Variants in RBFOX1 observed in about 807,000 individuals in gnomAD.
RBFOX1 encodes RNA binding fox-1 homolog 1, also known as RNA binding protein fox-1 homolog 1.
Under a neutral mutation model 57.7 loss-of-function variants are expected in RBFOX1, and 8 were observed. The ratio of observed to expected loss-of-function variants is 0.14; its 90% CI spans 0.08 to 0.25. The LOEUF (loss-of-function observed/expected upper bound fraction) is 0.25, where lower values mean the gene tolerates loss of function less well. Among genes scored for constraint, RBFOX1 ranks in the 10% least tolerant of loss-of-function variants. The probability of loss-of-function intolerance (pLI) is 1.00; values close to 1 mark genes in which losing one functional copy is unlikely to be tolerated. For missense variants in RBFOX1, 611 were observed against 548.5 expected (o/e 1.11, Z -1.14); for synonymous variants, 326 against 222.4 (o/e 1.47, Z -4.15).
chr16:7,546,153 C>A (rs1376945414), intron 5 of RBFOX1, among the ~76,000 whole-genome samples: 2 of 151,440 alleles, frequency 1.3e-5, no homozygotes, highest in East Asian at 3.9e-4. Flanking sequence ...ATGGTGAAAC[C>A]CTGTCTCTAC....
intron 2 of RBFOX1, among the ~76,000 whole-genome samples, chr16:6,534,182 A>G (rs2096703783): frequency 1.3e-5 from 2 of 152,156 alleles, no homozygotes; most frequent in African/African-American, 4.8e-5. Flanking sequence ...ATGCATAAGT[A>G]AGTTGTATAG....
At chr16:6,960,280 AGAT>A (rs1193674043) in intron 3 of RBFOX1, among the ~76,000 whole-genome samples, 129 of 152,284 alleles carry the variant, frequency 8.5e-4, no homozygotes, top group African/African-American at 3.1e-3. Flanking sequence ...TTCAGGCCTC[AGAT>A]CTTATAGATG....
Position 7,304,297 on chromosome 16 carries a change from G to GA in RBFOX1, c.28-213839dup, listed in dbSNP as rs112779069. 4,644 of 703,042 alleles carry GA rather than the reference G, an allele frequency of 6.6e-3. 1 individual carries two copies. Among genetic ancestry groups the GA allele is most frequent in the Non-Finnish European group, 7.2e-3 (4,132 of 575,712 alleles). 43.6% of individuals were successfully genotyped at this position (703,042 alleles called of 1,614,324 possible). On this transcript the variant is annotated intron_variant, in intron 4 of 15. Transcript: ENST00000550418. ...TTAGATAACCAGCAAAATTAAAAAA[G>GA]AAAAAAAAAAATTGTAGCGCCCAGG...
chr16:6,128,547 G>A (rs543173023), intron 1 of RBFOX1, among the ~76,000 whole-genome samples: 2 of 152,338 alleles, frequency 1.3e-5, no homozygotes, highest in East Asian at 3.9e-4. Flanking sequence ...GGTAGTTGGT[G>A]CCAAGCACTG....
chr16:7,165,235 T>A (rs752134449), intron 4 of RBFOX1, among the ~76,000 whole-genome samples: 6 of 151,794 alleles, frequency 4.0e-5, no homozygotes, highest in Admixed American at 6.6e-5. Flanking sequence ...CATGCAGTCG[T>A]GAGGTTGTGC....
intron 3 of RBFOX1, among the ~76,000 whole-genome samples, chr16:5,690,765 G>C (rs74004494): frequency 6.6e-6 from 1 of 152,144 alleles, no homozygotes; most frequent in Non-Finnish European, 1.5e-5. Flanking sequence ...CTAAGAAGCT[G>C]TGTTCTCCTG....
chr16:7,668,176 C>T (rs976434523), intron 13 of RBFOX1, among the ~76,000 whole-genome samples: 12 of 152,176 alleles, frequency 7.9e-5, no homozygotes, highest in African/African-American at 2.7e-4. Flanking sequence ...TCCCCTCCCC[C>T]GTCCTTTGTT....
intron 3 of RBFOX1, among the ~76,000 whole-genome samples, chr16:5,752,377 A>G (rs781335347): frequency 2.6e-5 from 4 of 152,214 alleles, no homozygotes; most frequent in Non-Finnish European, 5.9e-5. Flanking sequence ...GGAAACCCCC[A>G]TGACACAAGC....
At chr16:5,389,227 A>G (rs1333260987) in intron 1 of RBFOX1, among the ~76,000 whole-genome samples, 1 of 152,096 alleles carries the variant, frequency 6.6e-6, no homozygotes. Flanking sequence ...GTAAGGTATG[A>G]TTTTTGTGAA....
chr16:5,684,754 C>G (rs374633229), intron 3 of RBFOX1, among the ~76,000 whole-genome samples: 4 of 152,268 alleles, frequency 2.6e-5, no homozygotes, highest in African/African-American at 9.6e-5. Flanking sequence ...GAAGTGCATC[C>G]AAATAAATGC....
intron 4 of RBFOX1, among the ~76,000 whole-genome samples, chr16:7,109,074 T>G (rs996745531): frequency 6.6e-6 from 1 of 152,138 alleles, no homozygotes; most frequent in Admixed American, 6.6e-5. Context: ...GAAAATTTAT[T>G]GATGAGCAGG....
intron 4 of RBFOX1, among the ~76,000 whole-genome samples, chr16:5,982,865 C>G (rs571067016): frequency 6.6e-6 from 1 of 152,314 alleles, no homozygotes; most frequent in African/African-American, 2.4e-5. Context: ...TGTTATGTCT[C>G]AAGATGTAGC....
At chr16:7,063,927 T>C (rs1335920438) in intron 4 of RBFOX1, among the ~76,000 whole-genome samples, 2 of 152,194 alleles carry the variant, frequency 1.3e-5, no homozygotes, top group African/African-American at 4.8e-5. Flanking sequence ...TCAGCATCCA[T>C]GGACTTTGGT....
At chr16:7,605,700 T>A (rs1161373416) in intron 9 of RBFOX1, among the ~76,000 whole-genome samples, 1 of 152,178 alleles carries the variant, frequency 6.6e-6, no homozygotes, top group Non-Finnish European at 1.5e-5. Context: ...GTTCTTACTG[T>A]CAAAAATACC....
intron 4 of RBFOX1, among the ~76,000 whole-genome samples, chr16:7,265,964 G>T (rs28859965): frequency 0.29 from 19,472 of 66,718 alleles, 2,064 homozygotes; most frequent in African/African-American, 0.45. Context: ...GTGGGTTTTT[G>T]TTTTTTTTTT....
downstream of RBFOX1, among the ~76,000 whole-genome samples, chr16:5,601,988 C>T (rs759525564): frequency 1.7e-4 from 26 of 152,300 alleles, no homozygotes; most frequent in Admixed American, 2.6e-4. Flanking sequence ...CTGGTTTCTC[C>T]TCTGGAGGCT....
intron 3 of RBFOX1, among the ~76,000 whole-genome samples, chr16:6,984,283 C>G (rs1445955051): frequency 6.6e-6 from 1 of 152,076 alleles, no homozygotes; most frequent in Non-Finnish European, 1.5e-5. Context: ...TCCTCCTGTA[C>G]TACCTGTGTG....
intron 3 of RBFOX1, among the ~76,000 whole-genome samples, chr16:6,799,422 T>C (rs1487761953): frequency 6.6e-6 from 1 of 152,178 alleles, no homozygotes. Context: ...CGTGAGTTAT[T>C]CGCAAACTTT....
At chr16:6,501,296 C>A (rs2095915861) in intron 2 of RBFOX1, among the ~76,000 whole-genome samples, 1 of 122,062 alleles carries the variant, frequency 8.2e-6, no homozygotes, top group Admixed American at 8.5e-5. Flanking sequence ...CCCCCTCCCC[C>A]CACCCCACAA....
Sources: allele counts gnomAD v4.1 joint callset (sites outside exome capture counted in the v4.1 genomes callset), GRCh38; gene constraint gnomAD v4.1.1; transcripts MANE v1.5; gene names NCBI Gene and HGNC (gene_info 2026-07-23, HGNC 2026-07-21).